The following DYNC2H1 variants were observed in gnomAD, a reference collection of about 807,000 sequenced individuals.
DYNC2H1 encodes dynein cytoplasmic 2 heavy chain 1.
A neutral mutation model predicts 570.0 loss-of-function variants in DYNC2H1; 410 were observed. The ratio of observed to expected loss-of-function variants is 0.72; its 90% CI spans 0.66 to 0.78. DYNC2H1 has a LOEUF of 0.78. Ranked by LOEUF, DYNC2H1 falls within the 30% of genes least tolerant of loss-of-function variation. The probability of loss-of-function intolerance (pLI) is 0.00; values close to 1 mark genes in which losing one functional copy is unlikely to be tolerated. For missense variants in DYNC2H1, 4,865 were observed against 5,046.4 expected, an observed-to-expected ratio of 0.96 and a Z score of 1.09; for synonymous variants, 1,688 against 1,677.6, an observed-to-expected ratio of 1.01 and a Z score of -0.15.
chr11:103,212,099 C>A (rs991281461), intron 54 of DYNC2H1, among the ~76,000 whole-genome samples, 156 bp downstream of exon 54: 1 of 151,968 alleles, frequency 6.6e-6, no homozygotes, highest in African/African-American at 2.4e-5. Flanking sequence ...ACCTATATTG[C>A]CCTGTAGGTT....
At chr11:103,389,339 G>C (rs1211867462) in intron 83 of DYNC2H1, among the ~76,000 whole-genome samples, 8 of 152,158 alleles carry the variant, frequency 5.3e-5, no homozygotes. Context: ...TGTGGGATCG[G>C]TGGTGATACC....
rs375983187 is a variant in DYNC2H1, at chr11:103,441,083, A to G, written c.12456+5051A>G. Among the ~76,000 whole-genome samples, 3 of 152,074 alleles carry G rather than the reference A, an allele frequency of 2.0e-5. No individual in the cohort carries two copies. In the East Asian group the frequency reaches 5.8e-4, roughly 29 times the overall value. On this transcript the variant is annotated intron_variant, in intron 85 of 88. Coordinates refer to ENST00000375735, the MANE Select transcript of DYNC2H1 (RefSeq NM_001377.3). ...TATCAAAATCCTTACACATCCTACA[A>G]GTTTCTTTAAGGTGAAGCCCCATTA...
chr11:103,308,603 T>TGTGGC (rs1867414069), intron 78 of DYNC2H1, among the ~76,000 whole-genome samples: 1 of 152,188 alleles, frequency 6.6e-6, no homozygotes. Flanking sequence ...CTACATCGTT[T>TGTGGC]TACATTCCCA....
intron 84 of DYNC2H1, among the ~76,000 whole-genome samples, chr11:103,428,467 G>A (rs754375024): frequency 6.6e-6 from 1 of 152,090 alleles, no homozygotes; most frequent in Non-Finnish European, 1.5e-5. Flanking sequence ...TTTTCCCAAT[G>A]AAGTTTTTAT....
At chr11:103,417,318 G>A (rs1301578752) in intron 84 of DYNC2H1, among the ~76,000 whole-genome samples, 1 of 151,878 alleles carries the variant, frequency 6.6e-6, no homozygotes, top group Non-Finnish European at 1.5e-5. Context: ...GGTCAGGATG[G>A]TCTCGATCTC....
intron 83 of DYNC2H1, among the ~76,000 whole-genome samples, chr11:103,385,944 G>T (rs1305489612): frequency 6.6e-6 from 1 of 152,118 alleles, no homozygotes; most frequent in African/African-American, 2.4e-5. Context: ...AAGGCCTGGG[G>T]CAAGAAGGTA....
chr11:103,283,621 T>C (rs1222690848), intron 73 of DYNC2H1, among the ~76,000 whole-genome samples: 4 of 152,224 alleles, frequency 2.6e-5, no homozygotes, highest in African/African-American at 9.6e-5. Context: ...AAATGTATTA[T>C]CTCACTAAAT....
At chr11:103,321,307 A>C in intron 81 of DYNC2H1, 70 bp downstream of exon 81, 1 of 1,328,636 alleles carries the variant, frequency 7.5e-7, no homozygotes, top group South Asian at 1.3e-5. Flanking sequence ...ATTGTTAAAT[A>C]CATGTTACTT....
At chr11:103,282,950 T>A (rs1365601028) in intron 72 of DYNC2H1, 58 bp from the exon 73 acceptor site, 9 of 1,312,130 alleles carry the variant, frequency 6.9e-6, no homozygotes, top group African/African-American at 1.5e-5. Context: ...TCAATTGCTA[T>A]TTTTTAAACT....
At chr11:103,208,181 AC>A (rs1446678301) in intron 52 of DYNC2H1, among the ~76,000 whole-genome samples, 1 of 152,186 alleles carries the variant, frequency 6.6e-6, no homozygotes, top group Non-Finnish European at 1.5e-5. Flanking sequence ...AGAAGAGGCA[AC>A]CAAGGAATTG....
At chr11:103,164,250 T>C (rs1735864116) in intron 30 of DYNC2H1, among the ~76,000 whole-genome samples, 1 of 152,074 alleles carries the variant, frequency 6.6e-6, no homozygotes, top group South Asian at 2.1e-4. Context: ...TTGGGAGATA[T>C]AGTGGGAGGT....
chr11:103,187,919 G>T (rs548773325), intron 43 of DYNC2H1, among the ~76,000 whole-genome samples: 10 of 152,152 alleles, frequency 6.6e-5, no homozygotes, highest in Middle Eastern at 6.8e-3. Context: ...ATGTTTTAAA[G>T]TATGCATTCT....
Position 103,199,228 on chromosome 11 carries a change from G to T in DYNC2H1, c.7840G>T (p.Gly2614Cys). 1 of 1,522,886 alleles carries T rather than the reference G, an allele frequency of 6.6e-7. No homozygotes were observed. Among genetic ancestry groups the T allele is most frequent in the Non-Finnish European group, 8.9e-7 (1 of 1,126,324 alleles). 94.3% of individuals were successfully genotyped at this position (1,522,886 alleles called of 1,614,324 possible). ...TAAAATATTCTGATTTTTTTAAAAG[G>T]GTCTTATTCATTATGGACGAGATAA... is the stretch of plus-strand genomic sequence containing the variant. Reference protein sequence around the residue: ...STDLKDVIKKGLIHYGRDNQN... With the variant: ...STDLKDVIKKCLIHYGRDNQN... Residue 2614 changes from glycine (G) to cysteine (C), a missense_variant and splice_region_variant, in exon 49 of 89, where the codon GGT (glycine) becomes TGT (cysteine). Gly to Cys is a radical substitution (Grantham distance 159). Around this residue, in one of 5 missense-constraint regions of DYNC2H1, gnomAD observed 2,401 missense variants for 2,454.6 expected, o/e 0.98. Coordinates refer to ENST00000375735, the MANE Select transcript of DYNC2H1 (RefSeq NM_001377.3). The surrounding 1 kb of genome is among the most constrained non-coding windows in gnomAD (Gnocchi z 4.6).
chr11:103,292,130 G>A (rs1462385749), intron 75 of DYNC2H1, among the ~76,000 whole-genome samples: 2 of 149,816 alleles, frequency 1.3e-5, no homozygotes, highest in Non-Finnish European at 3.0e-5. Flanking sequence ...TTTGTTTTCT[G>A]GTTGTTTTGT....
At chr11:103,139,128 C>T (rs944501450) in intron 17 of DYNC2H1, among the ~76,000 whole-genome samples, 34 of 151,936 alleles carry the variant, frequency 2.2e-4, no homozygotes, top group Admixed American at 2.6e-4. Context: ...GTCTTGCTAG[C>T]GGTCTATCAA....
At chr11:103,313,820 G>A (rs1867701829) in intron 79 of DYNC2H1, among the ~76,000 whole-genome samples, 1 of 152,198 alleles carries the variant, frequency 6.6e-6, no homozygotes, top group Middle Eastern at 3.4e-3. Flanking sequence ...TAATAGCATT[G>A]TGTTGTTTCT....
chr11:103,323,691 T>C (rs950660769), intron 81 of DYNC2H1, among the ~76,000 whole-genome samples, 195 bp from the exon 82 acceptor site: 3 of 152,054 alleles, frequency 2.0e-5, no homozygotes, highest in African/African-American at 7.2e-5. Context: ...TATCAAATAA[T>C]TGAAGTGTGA....
At chr11:103,141,459 A>G (rs901363213) in intron 17 of DYNC2H1, among the ~76,000 whole-genome samples, 2 of 152,300 alleles carry the variant, frequency 1.3e-5, no homozygotes, top group East Asian at 3.9e-4. Flanking sequence ...GGAGTTTGTT[A>G]GAGGTCCACT....
intron 84 of DYNC2H1, among the ~76,000 whole-genome samples, chr11:103,413,953 A>T (rs1021627149): frequency 6.6e-6 from 1 of 152,086 alleles, no homozygotes; most frequent in African/African-American, 2.4e-5. Context: ...TCATTCATTT[A>T]GCAAATAAAA....
Sources: allele counts gnomAD v4.1 joint callset (sites outside exome capture counted in the v4.1 genomes callset), GRCh38; gene constraint gnomAD v4.1.1; regional missense constraint gnomAD v4.1.1; non-coding constraint Gnocchi (gnomAD v3.1); transcripts MANE v1.5; gene names NCBI Gene and HGNC (gene_info 2026-07-23, HGNC 2026-07-21).